Variants in FGF12 observed in about 807,000 individuals in gnomAD.
The protein encoded by FGF12 is fibroblast growth factor 12.
FGF12 carries 14 observed loss-of-function variants against 23.6 expected under a neutral mutation model. That is an observed-to-expected ratio of 0.59 (90% CI 0.39 to 0.93). FGF12 has a LOEUF of 0.93. Among genes scored for constraint, FGF12 ranks in the 40% least tolerant of loss-of-function variants. The pLI, the probability that FGF12 is intolerant of heterozygous loss-of-function variation, is 0.00. For synonymous variants in FGF12, 62 were observed against 77.3 expected (o/e 0.80, Z 1.04); for missense variants, 175 against 217.8 (o/e 0.80, Z 1.24).
At chr3:192,246,447 A>G (rs180769949) in intron 4 of FGF12, among the ~76,000 whole-genome samples, 3 of 152,188 alleles carry the variant, frequency 2.0e-5, no homozygotes, top group Non-Finnish European at 4.4e-5. Flanking sequence ...TCAAGATAGC[A>G]TAAGTACTTA....
At chr3:192,412,250 G>A (rs1170025229) in intron 2 of FGF12, among the ~76,000 whole-genome samples, 1 of 152,226 alleles carries the variant, frequency 6.6e-6, no homozygotes, top group African/African-American at 2.4e-5. Context: ...GTATTCTTTA[G>A]TCTTTGTGTT....
chr3:192,678,440 C>T (rs1404455621), intron 2 of FGF12, among the ~76,000 whole-genome samples: 1 of 152,172 alleles, frequency 6.6e-6, no homozygotes, highest in Non-Finnish European at 1.5e-5. Context: ...CAGTGAGGAT[C>T]CCCTTCTCAG....
At chr3:192,725,313 G>T (rs775879341) in intron 2 of FGF12, among the ~76,000 whole-genome samples, 4 of 151,142 alleles carry the variant, frequency 2.6e-5, no homozygotes, top group Non-Finnish European at 4.4e-5. Flanking sequence ...GGCAATTATG[G>T]GACCTCTGCA....
chr3:192,697,246 G>A (rs1183405553), intron 2 of FGF12, among the ~76,000 whole-genome samples: 1 of 152,192 alleles, frequency 6.6e-6, no homozygotes, highest in Non-Finnish European at 1.5e-5. Flanking sequence ...TCTCTTAAAT[G>A]AAAGATGGTC....
At chr3:192,385,515 C>G (rs13088681) in intron 2 of FGF12, among the ~76,000 whole-genome samples, 1,913 of 152,244 alleles carry the variant, frequency 0.013, 25 homozygotes, top group Non-Finnish European at 0.019. Flanking sequence ...CTGGGCTCCT[C>G]AGATCTGATC....
At chr3:192,467,970 T>G (rs1218659571) in intron 2 of FGF12, among the ~76,000 whole-genome samples, 1 of 152,116 alleles carries the variant, frequency 6.6e-6, no homozygotes, top group East Asian at 1.9e-4. Context: ...AAAGTTCCCC[T>G]CCTCGGCAGA....
chr3:192,185,541 A>T (rs562480581), intron 4 of FGF12, among the ~76,000 whole-genome samples: 14 of 150,686 alleles, frequency 9.3e-5, no homozygotes, highest in South Asian at 4.2e-4. Flanking sequence ...TTTTTCATGA[A>T]TTTTTTTTTT....
At chr3:192,265,429 T>G (rs754392549) in intron 4 of FGF12, 2 of 152,094 alleles carry the variant, frequency 1.3e-5, no homozygotes, top group African/African-American at 2.4e-5. Flanking sequence ...AGGTGGCTCT[T>G]TCTCCCTTAA....
chr3:192,707,503 T>C lies in FGF12; in HGVS notation c.13+19678A>G, dbSNP rs146247651. On this transcript the variant is annotated intron_variant, in intron 2 of 5. Coordinates refer to ENST00000445105, the MANE Select transcript of FGF12 (RefSeq NM_004113.6). ...TGGCTCACGCCTGTAATCCCAGCAC[T>C]TTGGGAGGCTGAGGCAAATGAATCA... Among the ~76,000 whole-genome samples, 325 of 152,092 alleles carry C rather than the reference T, an allele frequency of 2.1e-3. 2 individuals carry two copies. Among genetic ancestry groups the C allele is most frequent in the African/African-American group, 6.6e-3 (275 of 41,488 alleles).
intron 2 of FGF12, among the ~76,000 whole-genome samples, chr3:192,383,058 T>C (rs1269283173): frequency 6.6e-6 from 1 of 152,142 alleles, no homozygotes; most frequent in African/African-American, 2.4e-5. Context: ...GGGAAATGTG[T>C]GGGAGCACAG....
chr3:192,510,204 G>A (rs985117008), intron 2 of FGF12, among the ~76,000 whole-genome samples: 31 of 152,228 alleles, frequency 2.0e-4, no homozygotes, highest in African/African-American at 7.0e-4. Flanking sequence ...CAGTGAATGG[G>A]ATAATGCCAT....
chr3:192,454,726 C>T (rs966468448), intron 2 of FGF12, among the ~76,000 whole-genome samples: 1 of 152,020 alleles, frequency 6.6e-6, no homozygotes, highest in African/African-American at 2.4e-5. Context: ...AAACCATTAG[C>T]GATAATTTCA....
intron 4 of FGF12, among the ~76,000 whole-genome samples, chr3:192,287,822 C>T (rs1023558164): frequency 9.2e-5 from 14 of 151,990 alleles, no homozygotes; most frequent in African/African-American, 3.4e-4. Context: ...GAAAGGGATA[C>T]ATTATCTTAT....
intron 2 of FGF12, among the ~76,000 whole-genome samples, chr3:192,688,259 C>T (rs1055148943): frequency 5.9e-5 from 9 of 152,154 alleles, no homozygotes; most frequent in African/African-American, 2.2e-4. Flanking sequence ...CCACATCCAC[C>T]CCTTGACCTG....
chr3:192,577,466 A>T (rs1192595472), intron 2 of FGF12, among the ~76,000 whole-genome samples: 3 of 152,196 alleles, frequency 2.0e-5, no homozygotes, highest in African/African-American at 7.2e-5. Flanking sequence ...TATGTAACAA[A>T]GTGGAAACAT....
intron 2 of FGF12, among the ~76,000 whole-genome samples, chr3:192,653,928 G>A (rs1237621640): frequency 6.6e-6 from 1 of 152,066 alleles, no homozygotes; most frequent in African/African-American, 2.4e-5. Flanking sequence ...GTTTCACCAT[G>A]TTGGTCTGGC....
At position 192,489,694 on chromosome 3, in the gene FGF12, C is replaced by T. The variant is rs79311802; in HGVS notation, c.14-129156G>A. Among the ~76,000 whole-genome samples the T allele has an allele frequency of 4.9e-3, 744 of 152,084 alleles. 6 individuals are homozygous for T. Among genetic ancestry groups the T allele is most frequent in the African/African-American group, 0.015 (640 of 41,522 alleles). On this transcript the variant is annotated intron_variant, in intron 2 of 5. Transcript: ENST00000445105. The stretch of plus-strand genomic sequence containing the variant: ...ACCCTTTTGCTGCTTTGAATTTAGG[C>T]TTCATATCTGGAACTGCAACAACTA...
At chr3:192,190,697 C>A (rs373559135) in intron 4 of FGF12, among the ~76,000 whole-genome samples, 6 of 151,950 alleles carry the variant, frequency 3.9e-5, no homozygotes, top group African/African-American at 1.4e-4. Flanking sequence ...GGATGGTCTC[C>A]ATCTCCTGAC....
chr3:192,698,284 C>A (rs1718188708), intron 2 of FGF12, among the ~76,000 whole-genome samples: 1 of 152,184 alleles, frequency 6.6e-6, no homozygotes. Flanking sequence ...ATGACCTCCT[C>A]TAACAAAGTT....
Sources: allele counts gnomAD v4.1 joint callset (sites outside exome capture counted in the v4.1 genomes callset), GRCh38; gene constraint gnomAD v4.1.1; transcripts MANE v1.5; gene names NCBI Gene and HGNC (gene_info 2026-07-23, HGNC 2026-07-21).